SLFN12L: variants seen among roughly 807,000 people sequenced by gnomAD.
SLFN12L encodes the protein schlafen family member 12 like.
Under a neutral mutation model 34.8 loss-of-function variants are expected in SLFN12L, and 34 were observed. That is an observed-to-expected ratio of 0.98 (90% CI 0.74 to 1.30). The LOEUF (loss-of-function observed/expected upper bound fraction) is 1.30. Among genes scored for constraint, SLFN12L ranks in the 50% most tolerant of loss-of-function variants. SLFN12L has a pLI of 0.00. For missense variants in SLFN12L, 703 were observed against 696.2 expected, an observed-to-expected ratio of 1.01 and a Z score of -0.11; for synonymous variants, 259 against 247.5, an observed-to-expected ratio of 1.05 and a Z score of -0.44.
At chr17:35,531,567 T>C (rs569783474) in intron 1 of SLFN12L, among the ~76,000 whole-genome samples, 1 of 152,248 alleles carries the variant, frequency 6.6e-6, no homozygotes, top group East Asian at 1.9e-4. Flanking sequence ...TTGGTTTCCA[T>C]GGATAAAATT....
intron 1 of SLFN12L, among the ~76,000 whole-genome samples, chr17:35,523,759 A>T (rs955366849): frequency 1.3e-5 from 2 of 152,020 alleles, no homozygotes; most frequent in Non-Finnish European, 2.9e-5. Flanking sequence ...TAATGGTGAA[A>T]CCCTGTTTCT....
In SLFN12L at chr17:35,479,217, T is replaced by G; in HGVS notation, c.1065A>C (p.Ala355=). The change falls in exon 3 of 5, where the codon GCA becomes GCC. Residue 355 remains alanine (A), a synonymous_variant. Transcript: ENST00000628453. ...AGGAATCAGGCTTTTTAGCAAACAC[T>G]GCACAGCAGAAGCGTTCCACTCTGA... ...YALRVERFCC[A]VFAKKPDSWH... is the part of the protein sequence containing the mutation. 1 of 1,587,634 alleles carries G rather than the reference T, an allele frequency of 6.3e-7. No homozygotes were observed. The highest frequency in any genetic ancestry group is 2.3e-5 in the East Asian group (1 of 43,638).
chr17:35,532,415 G>A (rs1165483770), intron 1 of SLFN12L, among the ~76,000 whole-genome samples: 1 of 147,340 alleles, frequency 6.8e-6, no homozygotes, highest in Admixed American at 6.9e-5. Context: ...ACTCCAGCCT[G>A]TGCAAAAGGG....
At chr17:35,504,942 C>A (rs774028006) in intron 2 of SLFN12L, among the ~76,000 whole-genome samples, 1 of 152,154 alleles carries the variant, frequency 6.6e-6, no homozygotes, top group Non-Finnish European at 1.5e-5. Context: ...AGTTGGCTAT[C>A]CCTTTCACCC....
At chr17:35,490,713 C>T (rs539906067) in intron 2 of SLFN12L, 219 of 1,348,500 alleles carry the variant, frequency 1.6e-4, no homozygotes, top group East Asian at 1.3e-3. Flanking sequence ...GGTTAGCTTA[C>T]GTTACATATC....
intron 2 of SLFN12L, among the ~76,000 whole-genome samples, chr17:35,486,842 C>G (rs1440337053): frequency 6.6e-6 from 1 of 152,170 alleles, no homozygotes; most frequent in African/African-American, 2.4e-5. Context: ...GCCAGAACAA[C>G]AGGTTAGTAA....
At chr17:35,502,416 GAAAAAAAA>G (rs1161388791) in intron 2 of SLFN12L, among the ~76,000 whole-genome samples, 18 of 25,262 alleles carry the variant, frequency 7.1e-4, no homozygotes, top group South Asian at 1.6e-3. Context: ...GTATCCTAAG[GAAAAAAAA>G]AAAAAAAAAA....
At chr17:35,518,537 T>C (rs1366797066) in intron 2 of SLFN12L, among the ~76,000 whole-genome samples, 11 of 118,106 alleles carry the variant, frequency 9.3e-5, no homozygotes, top group African/African-American at 3.3e-4. Flanking sequence ...GGAGACAGAG[T>C]GAGACTGTAT....
intron 2 of SLFN12L, among the ~76,000 whole-genome samples, chr17:35,520,469 G>A (rs1915963865): frequency 6.6e-6 from 1 of 152,222 alleles, no homozygotes; most frequent in African/African-American, 2.4e-5. Context: ...TACTGGCTGG[G>A]CACGATGGCT....
At chr17:35,492,845 G>A (rs1914888894) in intron 2 of SLFN12L, among the ~76,000 whole-genome samples, 1 of 151,942 alleles carries the variant, frequency 6.6e-6, no homozygotes, top group South Asian at 2.1e-4. Flanking sequence ...GTCAGATAAA[G>A]AACAAACCTC....
chr17:35,515,077 G>T (rs1262468284), intron 2 of SLFN12L: 4 of 619,142 alleles, frequency 6.5e-6, no homozygotes, highest in Non-Finnish European at 1.3e-5. Context: ...TATTCTGGAC[G>T]CCTATTCTTT....
At position 35,474,997 on chromosome 17, in the gene SLFN12L, G is replaced by T. The variant is rs144051119; in HGVS notation, c.1765C>A (p.Gln589Lys). 7 of 1,570,640 alleles carry T rather than the reference G, an allele frequency of 4.5e-6. No homozygotes were observed. The highest frequency in any genetic ancestry group is 2.4e-5 in the East Asian group (1 of 42,498). The change falls in exon 5 of 5, where the codon CAA (glutamine) becomes AAA (lysine). Residue 589 changes from glutamine (Q) to lysine (K), a missense_variant. Gln to Lys is a moderately conservative substitution (Grantham distance 53). Coordinates refer to ENST00000628453, the MANE Select transcript of SLFN12L (RefSeq NM_001363830.2). Reference protein sequence around the residue: ...ALSNILPKENQIFLFVCLFRF... With the variant: ...ALSNILPKENKIFLFVCLFRF... ...AACAAACAAACAAACAAAAAGATTT[G>T]ATTCTCCTTAGGTAAGATATTTGAA...
intron 1 of SLFN12L, among the ~76,000 whole-genome samples, chr17:35,527,081 C>A (rs2142173795): frequency 6.6e-6 from 1 of 152,242 alleles, no homozygotes; most frequent in East Asian, 1.9e-4. Flanking sequence ...ACTGTAAACA[C>A]CTCTATGCAA....
rs114930489 is a variant in SLFN12L at position 35,479,392 on chromosome 17, C to T, written c.890G>A (p.Ser297Asn). ...TACTTCTTCTAACTTAGTAAGATAA[C>T]TCTTCTCTGCTTTAAAGCCAATTAC... is the stretch of plus-strand genomic sequence containing the variant. ...KEVIGFKAEKSYLTKLEEVTK... is the reference protein window; with the variant it reads ...KEVIGFKAEKNYLTKLEEVTK... Residue 297 changes from serine (S) to asparagine (N), a missense_variant, in exon 3 of 5, where the codon AGT becomes AAT. Coordinates refer to ENST00000628453, the MANE Select transcript of SLFN12L (RefSeq NM_001363830.2). 9.0e-4 allele frequency: 1,451 copies of T among 1,609,570 alleles called. 21 individuals are homozygous for T. In the African/African-American group the frequency reaches 0.017, roughly 18 times the overall value.
chr17:35,475,169 A>C lies in SLFN12L; in HGVS notation c.1593T>G (p.Thr531=). 3.7e-6 allele frequency: 6 copies of C among 1,614,162 alleles called. No homozygotes were observed. The highest frequency in any genetic ancestry group is 5.1e-6 in the Non-Finnish European group (6 of 1,180,030). Residue 531 remains threonine, a synonymous_variant, in exon 5 of 5, where the codon ACT becomes ACG. Coordinates refer to ENST00000628453, the MANE Select transcript of SLFN12L (RefSeq NM_001363830.2). ...KQKLAKIGGY[T]KKVCVMTKIF... ...TCTTTGTCATGACACACACTTTTTTAGTGTAACCACCAATTTTTGCCAGCT... is the reference window on the plus strand; with the variant it reads ...TCTTTGTCATGACACACACTTTTTTCGTGTAACCACCAATTTTTGCCAGCT...
At chr17:35,534,669 C>T (rs965063022) in intron 1 of SLFN12L, among the ~76,000 whole-genome samples, 2 of 151,994 alleles carry the variant, frequency 1.3e-5, no homozygotes. Flanking sequence ...TCAATTGCTC[C>T]TCTTCCATCT....
chr17:35,493,415 G>C (rs1221822190), intron 2 of SLFN12L, among the ~76,000 whole-genome samples: 1 of 152,190 alleles, frequency 6.6e-6, no homozygotes, highest in African/African-American at 2.4e-5. Context: ...GCTGCACAAA[G>C]CTGATTTTCT....
Position 35,479,506 on chromosome 17 carries a change from C to T in SLFN12L, c.776G>A (p.Arg259Gln). The change falls in exon 3 of 5, where the codon CGA becomes CAA. Residue 259 changes from arginine (R) to glutamine (Q), a missense_variant. By Grantham distance (43) the Arg-to-Gln change is conservative. Coordinates refer to ENST00000628453, the MANE Select transcript of SLFN12L (RefSeq NM_001363830.2). ...KNFSTEKLLQ[R>Q]ITEILPQYVS... ...ATATTGAGGGAGAATCTCTGTAATT[C>T]GTTGTAACAACTTTTCAGTCGAGAA... is the stretch of plus-strand genomic sequence containing the variant. 4 of 1,614,150 alleles carry T rather than the reference C, an allele frequency of 2.5e-6. No individual in the cohort carries two copies. Among genetic ancestry groups the T allele is most frequent in the Non-Finnish European group, 2.5e-6 (3 of 1,180,026 alleles).
chr17:35,482,279 T>C (rs1914374726), intron 2 of SLFN12L, among the ~76,000 whole-genome samples: 1 of 152,214 alleles, frequency 6.6e-6, no homozygotes, highest in Admixed American at 6.5e-5. Flanking sequence ...TGGGAGGTGA[T>C]TAGGTTAAAG....
Sources: gnomAD v4.1 joint callset for allele counts (sites outside exome capture counted in the v4.1 genomes callset) on GRCh38, gnomAD v4.1.1 for gene constraint, MANE v1.5 for transcripts, NCBI Gene and HGNC (gene_info 2026-07-23, HGNC 2026-07-21) for gene names.